POU6F2: variants seen among roughly 807,000 people sequenced by gnomAD.
POU6F2 encodes POU domain, class 6, transcription factor 2.
In POU6F2, 31 loss-of-function variants were observed where a neutral mutation model predicts 71.3. That is an observed-to-expected ratio of 0.43 (90% confidence interval 0.33 to 0.59). The LOEUF is 0.59. Ranked by LOEUF, POU6F2 falls within the 20% of genes least tolerant of loss-of-function variation. The probability of loss-of-function intolerance (pLI) is 0.04; values close to 1 mark genes in which losing one functional copy is unlikely to be tolerated. For missense variants in POU6F2, 783 were observed against 856.8 expected, an observed-to-expected ratio of 0.91 and a Z score of 1.07; for synonymous variants, 347 against 355.7, an observed-to-expected ratio of 0.98 and a Z score of 0.27.
chr7:39,204,279 C>A lies in POU6F2; in HGVS notation c.322C>A (p.Gln108Lys). 6.2e-7 allele frequency: 1 copy of A among 1,613,776 alleles called. No homozygotes were observed. The highest frequency in any genetic ancestry group is 1.1e-5 in the South Asian group (1 of 91,034). The change falls in exon 3 of 10, where the codon CAA becomes AAA. Residue 108 changes from glutamine (Q) to lysine (K), a missense_variant. Around this residue, in one of 2 missense-constraint regions of POU6F2, gnomAD observed 572 missense variants for 572.9 expected, o/e 1.00. Transcript: ENST00000518318. ...PALSDPGTPD[Q>K]HQASQTHPPF... Reference sequence around the variant, plus strand: ...ATTATCAGACCCAGGCACTCCTGACCAACACCAGGCCAGTCAGACCCACCC... The same window carrying A: ...ATTATCAGACCCAGGCACTCCTGACAAACACCAGGCCAGTCAGACCCACCC...
intron 4 of POU6F2, among the ~76,000 whole-genome samples, chr7:39,268,125 A>G (rs901766471): frequency 1.3e-5 from 2 of 152,184 alleles, no homozygotes; most frequent in Non-Finnish European, 2.9e-5. Flanking sequence ...CCATGTTTTT[A>G]TGTGTTGTCT....
chr7:39,213,817 G>A (rs1466042519), intron 4 of POU6F2, among the ~76,000 whole-genome samples: 1 of 152,208 alleles, frequency 6.6e-6, no homozygotes, highest in Non-Finnish European at 1.5e-5. Context: ...CATCACGGAG[G>A]TTCCTTGATT....
intron 5 of POU6F2, among the ~76,000 whole-genome samples, chr7:39,388,708 A>C (rs1786998984): frequency 6.6e-6 from 1 of 152,240 alleles, no homozygotes; most frequent in Non-Finnish European, 1.5e-5. Flanking sequence ...GAGAAAAACA[A>C]AAATCAAAAA....
chr7:39,436,263 C>G (rs139755544), intron 7 of POU6F2, among the ~76,000 whole-genome samples: 8 of 151,932 alleles, frequency 5.3e-5, no homozygotes, highest in African/African-American at 1.7e-4. Flanking sequence ...AAGGATGGAA[C>G]GTTTTTCCAT....
rs536196253 is a variant in POU6F2, at chr7:39,192,122, A to G, written c.278-12113A>G. On this transcript the variant is annotated intron_variant, in intron 2 of 9. Transcript: ENST00000518318. ...TCAATTTTGTGGTGTTGTCTGTTAT[A>G]GAAGCTCTATTACCATAAGGGTTTG... Among the ~76,000 whole-genome samples, 476 of 152,312 alleles carry G rather than the reference A, an allele frequency of 3.1e-3. 3 individuals are homozygous for G. The highest frequency in any genetic ancestry group is 0.011 in the African/African-American group (445 of 41,564).
chr7:39,144,379 C>T (rs563825372), intron 2 of POU6F2, among the ~76,000 whole-genome samples: 8 of 152,268 alleles, frequency 5.3e-5, no homozygotes, highest in Non-Finnish European at 1.0e-4. Context: ...AGGTAGTGTC[C>T]TATTTCCTAT....
At chr7:38,995,104 G>A (rs1425960009) in intron 1 of POU6F2, among the ~76,000 whole-genome samples, 1 of 152,160 alleles carries the variant, frequency 6.6e-6, no homozygotes, top group Non-Finnish European at 1.5e-5. Context: ...TAATTTCAGA[G>A]GTGTCTTCTT....
intron 5 of POU6F2, among the ~76,000 whole-genome samples, chr7:39,347,616 ATATTATTATTACTAT>A (rs1270628610): frequency 8.3e-6 from 1 of 120,178 alleles, no homozygotes; most frequent in Admixed American, 8.9e-5. Context: ...TTCCCCATCA[ATATTATTATTACTAT>A]TATTATTATT....
intron 2 of POU6F2, among the ~76,000 whole-genome samples, chr7:39,130,352 G>A (rs75372219): frequency 3.0e-4 from 46 of 152,198 alleles, no homozygotes; most frequent in Non-Finnish European, 1.5e-5. Context: ...TTTCCTTAAG[G>A]ATTTCAACTC....
intron 5 of POU6F2, among the ~76,000 whole-genome samples, chr7:39,349,248 C>A (rs1449688932): frequency 6.6e-6 from 1 of 152,208 alleles, no homozygotes; most frequent in Admixed American, 6.5e-5. Flanking sequence ...CATAAAATAC[C>A]TGGCTGGGTT....
At chr7:39,428,968 G>A (rs947579601) in intron 6 of POU6F2, among the ~76,000 whole-genome samples, 7 of 113,730 alleles carry the variant, frequency 6.2e-5, no homozygotes, top group Non-Finnish European at 1.2e-4. Context: ...CTGTCGTAGG[G>A]TGGGGGGAGG....
At chr7:39,177,741 T>C (rs1562734913) in intron 2 of POU6F2, among the ~76,000 whole-genome samples, 1 of 152,154 alleles carries the variant, frequency 6.6e-6, no homozygotes, top group Non-Finnish European at 1.5e-5. Flanking sequence ...TTTGTAACAT[T>C]CTCAAGTTAG....
At chr7:39,076,772 G>A (rs1278398201) in intron 1 of POU6F2, among the ~76,000 whole-genome samples, 1 of 152,048 alleles carries the variant, frequency 6.6e-6, no homozygotes, top group Non-Finnish European at 1.5e-5. Context: ...AAAACCCTCA[G>A]GGCTTCTCAG....
At chr7:38,988,591 A>G (rs1234626466) in intron 1 of POU6F2, among the ~76,000 whole-genome samples, 1 of 152,122 alleles carries the variant, frequency 6.6e-6, no homozygotes, top group Non-Finnish European at 1.5e-5. Context: ...TTACCCATCC[A>G]AAAAACAACA....
chr7:39,096,958 T>C (rs1034436727), intron 2 of POU6F2, among the ~76,000 whole-genome samples: 1 of 152,184 alleles, frequency 6.6e-6, no homozygotes, highest in Non-Finnish European at 1.5e-5. Flanking sequence ...GAAACAAATA[T>C]ATATGTGGAA....
At chr7:39,257,248 C>A (rs1784042327) in intron 4 of POU6F2, among the ~76,000 whole-genome samples, 1 of 152,208 alleles carries the variant, frequency 6.6e-6, no homozygotes, top group Non-Finnish European at 1.5e-5. Context: ...GACTAATATA[C>A]TTCCTAATAC....
intron 2 of POU6F2, among the ~76,000 whole-genome samples, chr7:39,106,558 G>A (rs1486639196): frequency 6.6e-6 from 1 of 152,152 alleles, no homozygotes; most frequent in African/African-American, 2.4e-5. Flanking sequence ...ATGATGTGAA[G>A]TATTTTGCTC....
chr7:39,104,189 C>A (rs1791630123), intron 2 of POU6F2, among the ~76,000 whole-genome samples: 2 of 152,256 alleles, frequency 1.3e-5, no homozygotes, highest in East Asian at 3.8e-4. Flanking sequence ...TCTTAAAGTG[C>A]AGGTGCTCTA....
chr7:39,459,194 A>G (rs542010969), intron 8 of POU6F2, among the ~76,000 whole-genome samples: 32 of 152,248 alleles, frequency 2.1e-4, no homozygotes, highest in African/African-American at 7.5e-4. Context: ...CCACTTTCCA[A>G]TCTTTCTACA....
Sources: allele counts gnomAD v4.1 joint callset (sites outside exome capture counted in the v4.1 genomes callset), GRCh38; gene constraint gnomAD v4.1.1; regional missense constraint gnomAD v4.1.1; transcripts MANE v1.5; gene names NCBI Gene and HGNC (gene_info 2026-07-23, HGNC 2026-07-21).